TDRD1: variants seen among roughly 807,000 people sequenced by gnomAD.
TDRD1 encodes tudor domain containing 1, also known as tudor domain-containing protein 1.
TDRD1 carries 37 observed loss-of-function variants against 140.6 expected under a neutral mutation model. The ratio of observed to expected loss-of-function variants is 0.26; its 90% CI spans 0.20 to 0.35. The LOEUF (loss-of-function observed/expected upper bound fraction) is 0.35, where lower values mean the gene tolerates loss of function less well. Among genes scored for constraint, TDRD1 ranks in the 10% least tolerant of loss-of-function variants. The pLI is 1.00. For synonymous variants in TDRD1, 506 were observed against 475.7 expected (o/e 1.06, Z -0.83); for missense variants, 1,243 against 1,393.0 (o/e 0.89, Z 1.71).
exon 14 of TDRD1, chr10:114,211,968 T>C: frequency 4.3e-6 from 7 of 1,613,070 alleles, no homozygotes; most frequent in African/African-American, 1.3e-5. Flanking sequence ...CTTAGTTTGA[T>C]GAGACTTTGT....
chr10:114,214,023 G>T (rs367846543), exon 16 of TDRD1: 14 of 1,613,626 alleles, frequency 8.7e-6, no homozygotes, highest in Non-Finnish European at 1.0e-5. Flanking sequence ...AGTGGACATG[G>T]GTTGAACTTG....
chr10:114,191,076 A>G (rs2033926372), intron 3 of TDRD1, 57 bp downstream of exon 3: 7 of 1,537,352 alleles, frequency 4.6e-6, no homozygotes, highest in Non-Finnish European at 6.2e-6. Flanking sequence ...AACATGTTTT[A>G]TTTATTTAAT....
intron 5 of TDRD1, among the ~76,000 whole-genome samples, chr10:114,202,028 G>A (rs1234129131): frequency 6.6e-6 from 1 of 152,148 alleles, no homozygotes; most frequent in African/African-American, 2.4e-5. Context: ...CTCATTAGGT[G>A]GCTTTTGGAA....
rs774106381 is a variant in TDRD1 at position 114,226,254 on chromosome 10, G to C, written c.3175+38G>C. On this transcript the variant is annotated intron_variant, in intron 22 of 25. Coordinates refer to ENST00000251864, the Ensembl canonical transcript of TDRD1. ...GTCACTTTCCAATTTAGGTTTCTGG[G>C]TATTTTTTTTTTCCTCTTTATGTTT... is the stretch of plus-strand genomic sequence containing the variant. 6 of 1,502,220 alleles carry C rather than the reference G, an allele frequency of 4.0e-6. No individual in the cohort carries two copies. In the South Asian group the frequency reaches 7.4e-5, roughly 19 times the overall value. 93.1% of individuals were successfully genotyped at this position (1,502,220 alleles called of 1,614,324 possible). A position where few individuals can be genotyped will look rare whatever the true frequency, so the allele number is the denominator to read the frequency against.
chr10:114,218,638 T>TGCC, intron 18 of TDRD1, 54 bp downstream of exon 18: 3 of 1,258,842 alleles, frequency 2.4e-6, no homozygotes, highest in Non-Finnish European at 2.2e-6. Context: ...GGGCATATAA[T>TGCC]CCAAGTGTTA....
intron 11 of TDRD1, among the ~76,000 whole-genome samples, chr10:114,210,288 C>T (rs906852387): frequency 3.3e-5 from 5 of 152,122 alleles, no homozygotes; most frequent in Non-Finnish European, 5.9e-5. Context: ...TTTTCTTGAA[C>T]TCTTTTAGGG....
intron 4 of TDRD1, among the ~76,000 whole-genome samples, chr10:114,199,910 A>C (rs1475493173): frequency 6.6e-6 from 1 of 152,216 alleles, no homozygotes; most frequent in Non-Finnish European, 1.5e-5. Context: ...AGAGCTCTCT[A>C]AACATTTCTG....
Position 114,199,426 on chromosome 10 carries a change from G to A in TDRD1, c.529+109G>A, listed in dbSNP as rs1589676105. 4.4e-6 allele frequency: 6 copies of A among 1,360,822 alleles called. No homozygotes were observed. In the East Asian group the frequency reaches 1.5e-4, roughly 35 times the overall value. The allele number at this position is 1,360,822 out of a possible 1,614,324, so 84.3% of individuals were successfully genotyped here. On this transcript the variant is annotated intron_variant, in intron 4 of 25. Transcript: ENST00000251864. ...AGTGTAATTAGAACAGTGTCCCCAT[G>A]CCACACACCCGTCTCAGCCTCAGCA...
At chr10:114,228,579 G>A (rs2036576974) in intron 25 of TDRD1, 5 of 985,294 alleles carry the variant, frequency 5.1e-6, no homozygotes, top group Non-Finnish European at 6.0e-6. Context: ...AAAGGGCCAA[G>A]AACGGAAAGT....
chr10:114,199,365 A>G, intron 4 of TDRD1, 48 bp downstream of exon 4: 2 of 1,558,096 alleles, frequency 1.3e-6, no homozygotes, highest in Non-Finnish European at 8.6e-7. Context: ...CACATATTTG[A>G]AAAACATTTT....
At chr10:114,190,904 A>G in intron 2 of TDRD1, 57 bp from the exon 3 acceptor site, 2 of 1,531,748 alleles carry the variant, frequency 1.3e-6, no homozygotes, top group Non-Finnish European at 9.0e-7. Context: ...ATTTTTCATT[A>G]TTAGCAATAA....
chr10:114,230,208 G>C (rs1365427811), intron 25 of TDRD1, among the ~76,000 whole-genome samples: 2 of 152,166 alleles, frequency 1.3e-5, no homozygotes, highest in African/African-American at 4.8e-5. Flanking sequence ...TTTTCCTAAG[G>C]ATATTGAGTG....
upstream of TDRD1, among the ~76,000 whole-genome samples, chr10:114,175,046 T>C (rs1052165362): frequency 5.9e-5 from 9 of 152,236 alleles, no homozygotes; most frequent in African/African-American, 2.2e-4. Context: ...AACTTACTAC[T>C]GTTCTGTTAA....
chr10:114,220,704 C>T (rs752231147), exon 19 of TDRD1: 16 of 1,613,982 alleles, frequency 9.9e-6, no homozygotes, highest in South Asian at 2.2e-5. Flanking sequence ...CCGATCTCTC[C>T]ACTTGTTATC....
exon 8 of TDRD1, chr10:114,203,432 G>A: frequency 1.2e-6 from 2 of 1,613,684 alleles, no homozygotes; most frequent in South Asian, 2.2e-5. Flanking sequence ...TCTACGTGCA[G>A]TTATATTCTT....
intron 10 of TDRD1, among the ~76,000 whole-genome samples, 179 bp downstream of exon 10, chr10:114,205,072 A>G (rs2132997674): frequency 6.6e-6 from 1 of 152,338 alleles, no homozygotes; most frequent in African/African-American, 2.4e-5. Context: ...AATTCATAGA[A>G]TTAGGTGGCT....
At chr10:114,179,369 A>C (rs953724950) in exon 1 of TDRD1, 147 of 152,644 alleles carry the variant, frequency 9.6e-4, no homozygotes, top group Non-Finnish European at 6.7e-4. Context: ...CATCACCGCC[A>C]GACCGCAGAG....
At chr10:114,199,095 T>C (rs976418151) in intron 3 of TDRD1, 78 bp from the exon 4 acceptor site, 2 of 1,477,750 alleles carry the variant, frequency 1.4e-6, no homozygotes, top group Non-Finnish European at 1.8e-6. Flanking sequence ...TGATCTTATC[T>C]GAAGTAGTCC....
At chr10:114,183,012 G>C (rs1350704671) in intron 1 of TDRD1, among the ~76,000 whole-genome samples, 2 of 152,080 alleles carry the variant, frequency 1.3e-5, no homozygotes, top group Admixed American at 6.5e-5. Context: ...TGAATGCCTA[G>C]TTCTATAAAG....
Sources: gnomAD v4.1 joint callset for allele counts (sites outside exome capture counted in the v4.1 genomes callset) on GRCh38, gnomAD v4.1.1 for gene constraint, MANE v1.5 for transcripts, NCBI Gene and HGNC (gene_info 2026-07-23, HGNC 2026-07-21) for gene names.